The following STK32A variants were observed in gnomAD, a reference collection of about 807,000 sequenced individuals.
STK32A encodes the protein serine/threonine-protein kinase 32A.
STK32A carries 41 observed loss-of-function variants against 53.2 expected under a neutral mutation model. The ratio of observed to expected loss-of-function variants is 0.77; its 90% confidence interval spans 0.60 to 1.00. The LOEUF is 1.00. STK32A is among the 50% of genes least tolerant of loss of function. STK32A has a pLI of 0.00. For synonymous variants in STK32A, 166 were observed against 162.8 expected, an observed-to-expected ratio of 1.02 and a Z score of -0.15; for missense variants, 458 against 485.8, an observed-to-expected ratio of 0.94 and a Z score of 0.54.
At chr5:147,261,151 G>A (rs1317028108) in intron 2 of STK32A, among the ~76,000 whole-genome samples, 1 of 152,190 alleles carries the variant, frequency 6.6e-6, no homozygotes, top group African/African-American at 2.4e-5. Context: ...GAGACAACCA[G>A]AGACCACCCC....
At chr5:147,363,359 G>A (rs997161509) in intron 8 of STK32A, among the ~76,000 whole-genome samples, 8 of 151,792 alleles carry the variant, frequency 5.3e-5, no homozygotes, top group African/African-American at 1.9e-4. Context: ...CATGGCTGGG[G>A]ATGGGGAGAG....
chr5:147,397,599 T>A, the STK32A span: 14 of 1,522,400 alleles, frequency 9.2e-6, no homozygotes, highest in African/African-American at 1.4e-5. Flanking sequence ...GTGTTCATGG[T>A]TACTATCTCT....
chr5:147,392,320 G>C (rs1048715299), downstream of STK32A: 6 of 152,194 alleles, frequency 3.9e-5, no homozygotes, highest in African/African-American at 1.4e-4. Flanking sequence ...TAGCTTGCTA[G>C]GGGAAATCCT....
At chr5:147,281,795 G>A (rs748261183) in intron 4 of STK32A, among the ~76,000 whole-genome samples, 1 of 152,088 alleles carries the variant, frequency 6.6e-6, no homozygotes, top group Non-Finnish European at 1.5e-5. Context: ...ATTTGCTTAG[G>A]CACACTGTCA....
At chr5:147,394,073 G>T in the STK32A span, 2 of 1,614,192 alleles carry the variant, frequency 1.2e-6, no homozygotes, top group Non-Finnish European at 1.7e-6. Flanking sequence ...CCGCCTGGGG[G>T]CGCCACGATG....
intron 4 of STK32A, among the ~76,000 whole-genome samples, chr5:147,314,507 C>CAAAAAAAACAAAAAAAAAAAAAA (rs1561713376): frequency 5.5e-4 from 7 of 12,768 alleles, no homozygotes; most frequent in African/African-American, 9.9e-4. Context: ...TCAAAAAAAA[C>CAAAAAAAACAAAAAAAAAAAAAA]AAAAAAAAAC....
intron 6 of STK32A, among the ~76,000 whole-genome samples, chr5:147,345,047 A>G (rs1755616448): frequency 6.6e-6 from 1 of 152,324 alleles, no homozygotes; most frequent in Non-Finnish European, 1.5e-5. Flanking sequence ...TTCAAGTTTA[A>G]CCACCTTTAG....
chr5:147,316,754 C>G (rs1754006950), intron 4 of STK32A, among the ~76,000 whole-genome samples: 1 of 146,202 alleles, frequency 6.8e-6, no homozygotes, highest in Non-Finnish European at 1.5e-5. Flanking sequence ...CACTTGAAGG[C>G]TGAGGCTGGA....
At chr5:147,358,305 A>T (rs1489558890) in intron 7 of STK32A, among the ~76,000 whole-genome samples, 2 of 152,172 alleles carry the variant, frequency 1.3e-5, no homozygotes, top group East Asian at 3.8e-4. Flanking sequence ...AAGGATGTTC[A>T]ACAAAAGGAA....
At chr5:147,391,606 C>T (rs1757806652), downstream of STK32A, 1 of 152,220 alleles carries the variant, frequency 6.6e-6, no homozygotes. Context: ...AGGGCCGGGA[C>T]TCACCATTGT....
chr5:147,312,625 G>T (rs1295335889), intron 4 of STK32A, among the ~76,000 whole-genome samples: 2 of 152,132 alleles, frequency 1.3e-5, no homozygotes, highest in East Asian at 3.9e-4. Flanking sequence ...GCTTTGTAAG[G>T]CTGCTTATGA....
intron 1 of STK32A, among the ~76,000 whole-genome samples, chr5:147,237,111 G>A (rs528174175): frequency 2.0e-5 from 3 of 152,182 alleles, no homozygotes; most frequent in Non-Finnish European, 4.4e-5. Context: ...AGGAGATCGA[G>A]ACCATCCTGG....
chr5:147,285,407 A>G (rs1433754090), intron 4 of STK32A, among the ~76,000 whole-genome samples: 2 of 152,188 alleles, frequency 1.3e-5, no homozygotes, highest in Admixed American at 1.3e-4. Context: ...GGGTTTCATG[A>G]CCAAGAACCC....
In STK32A at chr5:147,367,663, G is replaced by A. The variant is rs140448675; in HGVS notation, c.661-2991G>A. Among the ~76,000 whole-genome samples the A allele has an allele frequency of 9.4e-3, 1,431 of 152,252 alleles. 34 individuals carry two copies. The highest frequency in any genetic ancestry group is 0.033 in the African/African-American group (1,364 of 41,546). On this transcript the variant is annotated intron_variant, in intron 8 of 12. Transcript: ENST00000397936. ...CCAGGAGAAGGAATTTCACAAGGTAGTGTCATCAGTTAAGGCAGGAACCGG... is the reference window on the plus strand; with the variant it reads ...CCAGGAGAAGGAATTTCACAAGGTAATGTCATCAGTTAAGGCAGGAACCGG...
At chr5:147,238,522 C>T (rs573053387) in intron 1 of STK32A, among the ~76,000 whole-genome samples, 60 of 152,240 alleles carry the variant, frequency 3.9e-4, no homozygotes, top group African/African-American at 1.4e-3. Context: ...GGAGCAAAGC[C>T]GTAGTTTTCA....
chr5:147,397,880 G>A, the STK32A span: 1 of 1,249,570 alleles, frequency 8.0e-7, no homozygotes, highest in South Asian at 1.6e-5. Context: ...GCCACAGTAA[G>A]GGTAGAGAAA....
rs1753475094 is a variant in STK32A at position 147,239,562 on chromosome 5, A to C, written c.-73A>C. 8.4e-7 allele frequency: 1 copy of C among 1,191,610 alleles called. No homozygotes were observed. The highest frequency in any genetic ancestry group is 2.4e-5 in the East Asian group (1 of 40,894). The allele number at this position is 1,191,610 out of a possible 1,614,324, so 73.8% of individuals were successfully genotyped here. ...AGATATCCAACTAAGGCTTCGGGAC[A>C]TGTTTTGAGCGAAGATGGGTGTTTC... is the stretch of plus-strand genomic sequence containing the variant. On this transcript the variant is annotated 5_prime_UTR_variant, in exon 2 of 13. An upstream start codon of the reference 5' UTR is lost. Coordinates refer to ENST00000397936, the MANE Select transcript of STK32A (RefSeq NM_001112724.2).
At chr5:147,310,144 A>T (rs1422067238) in intron 4 of STK32A, among the ~76,000 whole-genome samples, 1 of 152,196 alleles carries the variant, frequency 6.6e-6, no homozygotes, top group Non-Finnish European at 1.5e-5. Context: ...GCTGGACATC[A>T]GAAATAGAGA....
intron 2 of STK32A, among the ~76,000 whole-genome samples, chr5:147,273,957 C>G (rs1365603839): frequency 6.6e-6 from 1 of 152,130 alleles, no homozygotes; most frequent in Non-Finnish European, 1.5e-5. Context: ...ATGTACTGAC[C>G]ACCCTCATAA....
Sources: gnomAD v4.1 joint callset for allele counts (sites outside exome capture counted in the v4.1 genomes callset) on GRCh38, gnomAD v4.1.1 for gene constraint, MANE v1.5 for transcripts, NCBI Gene and HGNC (gene_info 2026-07-23, HGNC 2026-07-21) for gene names.